The following UBN2 variants were observed in gnomAD, a reference collection of about 807,000 sequenced individuals.
UBN2 encodes the protein ubinuclein 2, also known as ubinuclein-2.
UBN2 carries 35 observed loss-of-function variants against 120.2 expected under a neutral mutation model. The ratio of observed to expected loss-of-function variants is 0.29; its 90% CI spans 0.22 to 0.39. UBN2 has a LOEUF of 0.39. Ranked by LOEUF, UBN2 falls within the 10% of genes least tolerant of loss-of-function variation. The pLI, the probability that UBN2 is intolerant of heterozygous loss-of-function variation, is 1.00. For synonymous variants in UBN2, 661 were observed against 648.7 expected, an observed-to-expected ratio of 1.02 and a Z score of -0.29; for missense variants, 1,693 against 1,663.2, an observed-to-expected ratio of 1.02 and a Z score of -0.31.
At chr7:139,315,137 G>A in the UBN2 span, among the ~76,000 whole-genome samples, 8 of 151,682 alleles carry the variant, frequency 5.3e-5, no homozygotes, top group Non-Finnish European at 1.2e-4. Flanking sequence ...CACCACGCCC[G>A]GCTAATTTTT....
chr7:139,327,784 C>G, the UBN2 span, among the ~76,000 whole-genome samples: 1 of 152,142 alleles, frequency 6.6e-6, no homozygotes, highest in Non-Finnish European at 1.5e-5. Flanking sequence ...GTCCAGAATT[C>G]GTATCACCCC....
chr7:139,250,149 G>T (rs922322315), intron 2 of UBN2, among the ~76,000 whole-genome samples: 1 of 152,128 alleles, frequency 6.6e-6, no homozygotes, highest in East Asian at 1.9e-4. Context: ...TGTGAGGTGG[G>T]AGGATCGCTT....
Position 139,278,617 on chromosome 7 carries a change from T to TC in UBN2, c.2025-701_2025-700insC, listed in dbSNP as rs1554475367. Among the ~76,000 whole-genome samples the TC allele has an allele frequency of 7.9e-3, 1,156 of 145,742 alleles. 7 individuals carry two copies. Among genetic ancestry groups the TC allele is most frequent in the African/African-American group, 0.023 (922 of 40,168 alleles). On this transcript the variant is annotated intron_variant, in intron 12 of 17. Transcript: ENST00000473989. ...AGGTCGTTTCCCTAAATGGCCTTCA[T>TC]AAAAAAAAAAAACATAGAAAATTAC...
At chr7:139,274,113 T>C (rs768572909) in intron 11 of UBN2, 39 bp downstream of exon 11, 2 of 1,543,686 alleles carry the variant, frequency 1.3e-6, no homozygotes, top group Non-Finnish European at 1.7e-6. Context: ...TTTATTTTAT[T>C]ATTATTGCTG....
chr7:139,262,791 T>G (rs1796978050), intron 6 of UBN2, among the ~76,000 whole-genome samples: 1 of 152,100 alleles, frequency 6.6e-6, no homozygotes, highest in Non-Finnish European at 1.5e-5. Context: ...TCTTTTATTA[T>G]TAAACAGCGG....
At chr7:139,235,820 A>G (rs1212839214) in intron 1 of UBN2, among the ~76,000 whole-genome samples, 1 of 152,180 alleles carries the variant, frequency 6.6e-6, no homozygotes, top group Non-Finnish European at 1.5e-5. Context: ...CCTTTATTCT[A>G]ATGTCCCAAG....
the UBN2 span, among the ~76,000 whole-genome samples, chr7:139,316,095 A>G: frequency 7.1e-6 from 1 of 141,348 alleles, no homozygotes; most frequent in Non-Finnish European, 1.5e-5. Context: ...AAAAAAAAAA[A>G]AAAAAAAAAA....
At chr7:139,251,190 T>A (rs1009574906) in intron 2 of UBN2, among the ~76,000 whole-genome samples, 3 of 152,004 alleles carry the variant, frequency 2.0e-5, no homozygotes, top group African/African-American at 7.3e-5. Flanking sequence ...AAAAAAATAA[T>A]AATAATAATT....
chr7:139,327,260 C>T, the UBN2 span, among the ~76,000 whole-genome samples: 4 of 152,074 alleles, frequency 2.6e-5, no homozygotes, highest in East Asian at 1.9e-4. Flanking sequence ...CTCGAGCTCC[C>T]GACATCAGGT....
Position 139,293,316 on chromosome 7 carries a change from A to T in UBN2, c.3754A>T (p.Thr1252Ser). ...TTTGTCTGTAACAAATCAAAATGTG[A>T]CTCCTTTTGGGATGCTGGGTGGCCT... Reference protein sequence around the residue: ...SPLSVTNQNVTPFGMLGGLVP... With the variant: ...SPLSVTNQNVSPFGMLGGLVP... Residue 1252 changes from threonine to serine, a missense_variant, in exon 16 of 18, where the codon ACT (threonine) becomes TCT (serine). Transcript: ENST00000473989. 1 of 1,613,876 alleles carries T rather than the reference A, an allele frequency of 6.2e-7. No homozygotes were observed. The highest frequency in any genetic ancestry group is 1.1e-5 in the South Asian group (1 of 91,060).
At chr7:139,330,307 A>G in the UBN2 span, among the ~76,000 whole-genome samples, 1 of 152,234 alleles carries the variant, frequency 6.6e-6, no homozygotes, top group Admixed American at 6.5e-5. Context: ...TGTATGAGAA[A>G]TTCATAACAT....
chr7:139,301,937 T>C lies in UBN2; in HGVS notation c.*4101T>C, dbSNP rs1250625829. 6.6e-6 allele frequency: 1 copy of C among 152,118 alleles called. No individual in the cohort carries two copies. The highest frequency in any genetic ancestry group is 1.5e-5 in the Non-Finnish European group (1 of 68,028). 9.4% of individuals were successfully genotyped at this position (152,118 alleles called of 1,614,324 possible). ...AGCAGAAGAAAAGTGCAGTAGTAGA[T>C]AAATGATCACAACATGTTATGCAAT... On this transcript the variant is annotated 3_prime_UTR_variant, in exon 18 of 18. Coordinates refer to ENST00000473989, the MANE Select transcript of UBN2 (RefSeq NM_173569.4).
At chr7:139,247,155 GAAAA>G (rs79565227) in intron 2 of UBN2, among the ~76,000 whole-genome samples, 2 of 136,622 alleles carry the variant, frequency 1.5e-5, no homozygotes, top group East Asian at 4.2e-4. Flanking sequence ...AGCTTTAAAG[GAAAA>G]AAAAAAAACA....
chr7:139,259,773 G>C (rs2130978883), intron 5 of UBN2, among the ~76,000 whole-genome samples: 1 of 152,216 alleles, frequency 6.6e-6, no homozygotes, highest in African/African-American at 2.4e-5. Context: ...ATTTGAGACA[G>C]AGTCTCACTG....
At chr7:139,324,737 G>A in the UBN2 span, among the ~76,000 whole-genome samples, 1 of 152,208 alleles carries the variant, frequency 6.6e-6, no homozygotes, top group African/African-American at 2.4e-5. Flanking sequence ...TCGGGAGGCT[G>A]AGGCGGGCAG....
chr7:139,293,453 C>G lies in UBN2; in HGVS notation c.3891C>G (p.Ser1297Arg), dbSNP rs757944559. ...SGSTSAAFHH[S>R]LTQNLLKGLQ... ...CTACCTCAGCCGCTTTCCACCATAGCCTAACTCAGAGTAAGTGGGGCTCTT... is the reference window on the plus strand; with the variant it reads ...CTACCTCAGCCGCTTTCCACCATAGGCTAACTCAGAGTAAGTGGGGCTCTT... Residue 1297 changes from serine to arginine, a missense_variant, in exon 16 of 18, where the codon AGC becomes AGG. This residue lies in a region of UBN2 where 837 missense variants were observed against 817.6 expected (regional missense o/e 1.02). Transcript: ENST00000473989. The G allele has an allele frequency of 1.2e-6, 2 of 1,613,974 alleles. No homozygotes were observed. Among genetic ancestry groups the G allele is most frequent in the African/African-American group, 2.7e-5 (2 of 74,924 alleles).
At chr7:139,320,538 A>G in the UBN2 span, among the ~76,000 whole-genome samples, 3 of 152,148 alleles carry the variant, frequency 2.0e-5, no homozygotes, top group South Asian at 2.1e-4. Flanking sequence ...CTAATTATCC[A>G]TAACGTCAAA....
At chr7:139,247,545 C>G (rs1259247988) in intron 2 of UBN2, among the ~76,000 whole-genome samples, 2 of 152,090 alleles carry the variant, frequency 1.3e-5, no homozygotes, top group South Asian at 2.1e-4. Context: ...TCTGTGTGAC[C>G]TTAGATAAGT....
At chr7:139,252,945 T>C (rs1796660229) in intron 3 of UBN2, among the ~76,000 whole-genome samples, 1 of 152,154 alleles carries the variant, frequency 6.6e-6, no homozygotes, top group South Asian at 2.1e-4. Context: ...TGTTCTTTTT[T>C]TTTAATTATA....
Sources: gnomAD v4.1 joint callset for allele counts (sites outside exome capture counted in the v4.1 genomes callset) on GRCh38, gnomAD v4.1.1 for gene constraint, gnomAD v4.1.1 regional missense constraint, MANE v1.5 for transcripts, NCBI Gene and HGNC (gene_info 2026-07-23, HGNC 2026-07-21) for gene names.